The following ERGIC1 variants were observed in gnomAD, a reference collection of about 807,000 sequenced individuals.
ERGIC1 encodes endoplasmic reticulum-Golgi intermediate compartment protein 1.
In ERGIC1, 19 loss-of-function variants were observed where a neutral mutation model predicts 38.3. The ratio of observed to expected loss-of-function variants is 0.50; its 90% CI spans 0.35 to 0.73. ERGIC1 has a LOEUF of 0.73. Among genes scored for constraint, ERGIC1 ranks in the 30% least tolerant of loss-of-function variants. ERGIC1 has a pLI of 0.01. For missense variants in ERGIC1, 294 were observed against 389.2 expected, an observed-to-expected ratio of 0.76 and a Z score of 2.06; for synonymous variants, 124 against 157.6, an observed-to-expected ratio of 0.79 and a Z score of 1.60.
At chr5:172,908,506 A>G (rs1041318650) in intron 3 of ERGIC1, among the ~76,000 whole-genome samples, 2 of 150,970 alleles carry the variant, frequency 1.3e-5, no homozygotes, top group Non-Finnish European at 3.0e-5. Flanking sequence ...GACCTGGGAG[A>G]TGGAGGTTGG....
chr5:172,891,225 C>G (rs1038972650), intron 2 of ERGIC1, among the ~76,000 whole-genome samples: 4 of 152,062 alleles, frequency 2.6e-5, no homozygotes, highest in African/African-American at 9.7e-5. Flanking sequence ...TGCCTTGACT[C>G]CCGAGGAAAG....
intron 1 of ERGIC1, among the ~76,000 whole-genome samples, chr5:172,869,977 T>G (rs1364309967): frequency 6.6e-6 from 1 of 152,228 alleles, no homozygotes; most frequent in Non-Finnish European, 1.5e-5. Flanking sequence ...CCACTAGACT[T>G]GATCCCTGAG....
Position 172,949,986 on chromosome 5 carries a change from T to A in ERGIC1, c.766-723T>A, listed in dbSNP as rs1039217122. ...TACTCGGGAGGCTGAGGCAGGAGAA[T>A]GCCGTGAACCCGGGAGGCGGAGCTT... is the stretch of plus-strand genomic sequence containing the variant. On this transcript the variant is annotated intron_variant, in intron 9 of 9. Coordinates refer to ENST00000393784, the MANE Select transcript of ERGIC1 (RefSeq NM_001031711.3). Among the ~76,000 whole-genome samples the A allele has an allele frequency of 1.4e-3, 211 of 152,122 alleles. 1 individual carries two copies. Among genetic ancestry groups the A allele is most frequent in the African/African-American group, 4.9e-3 (203 of 41,494 alleles).
At chr5:172,880,905 T>A (rs557962089) in intron 1 of ERGIC1, among the ~76,000 whole-genome samples, 44 of 152,334 alleles carry the variant, frequency 2.9e-4, no homozygotes, top group African/African-American at 1.1e-3. Flanking sequence ...TTTTCTTAAG[T>A]CCAGTTGGTT....
intron 1 of ERGIC1, among the ~76,000 whole-genome samples, chr5:172,850,290 G>A (rs1761370502): frequency 1.4e-5 from 2 of 143,542 alleles, no homozygotes; most frequent in South Asian, 2.5e-4. Context: ...TCGCCTACCC[G>A]CCCCCTCCCT....
intron 4 of ERGIC1, among the ~76,000 whole-genome samples, chr5:172,911,521 C>T (rs1404921964): frequency 6.6e-6 from 1 of 152,166 alleles, no homozygotes; most frequent in Non-Finnish European, 1.5e-5. Context: ...ACCCCCTCAC[C>T]CCTGTTAGAG....
At chr5:172,858,495 G>A (rs540964411) in intron 1 of ERGIC1, among the ~76,000 whole-genome samples, 8 of 152,278 alleles carry the variant, frequency 5.3e-5, no homozygotes, top group East Asian at 3.9e-4. Context: ...TCAGTCACAC[G>A]CTAGAGGAAC....
chr5:172,908,318 G>GCGGA (rs1561729632), intron 3 of ERGIC1, among the ~76,000 whole-genome samples: 374 of 7,316 alleles, frequency 0.051, 75 homozygotes, highest in African/African-American at 0.21. Context: ...GGGGGGGGGG[G>GCGGA]AGAGAGGGGA....
chr5:172,915,295 G>A (rs1763332536), intron 5 of ERGIC1: 3 of 546,368 alleles, frequency 5.5e-6, no homozygotes, highest in East Asian at 6.5e-5. Flanking sequence ...TTTTTGAATG[G>A]CACGTTCTGT....
chr5:172,861,189 C>A (rs917918965), intron 1 of ERGIC1, among the ~76,000 whole-genome samples: 1 of 152,196 alleles, frequency 6.6e-6, no homozygotes, highest in African/African-American at 2.4e-5. Context: ...AGCCACACAC[C>A]CACCTCAGAG....
In ERGIC1 at chr5:172,920,230, C is replaced by A. The variant is rs1414937441; in HGVS notation, c.376-3775C>A. On this transcript the variant is annotated intron_variant, in intron 5 of 9. Coordinates refer to ENST00000393784, the MANE Select transcript of ERGIC1 (RefSeq NM_001031711.3). ...GCCCAGCCACTTTCCCTTTGAGGAA[C>A]CGCCCATCAAGAGGTGCTCAAAGAA... is the stretch of plus-strand genomic sequence containing the variant. 5.8e-6 allele frequency: 4 copies of A among 686,556 alleles called. No homozygotes were observed. In the Admixed American group the frequency reaches 8.3e-5, roughly 14 times the overall value. The allele number at this position is 686,556 out of a possible 1,614,324, so 42.5% of individuals were successfully genotyped here.
chr5:172,926,400 A>G lies in ERGIC1; in HGVS notation c.481-109A>G, dbSNP rs911021837. The G allele has an allele frequency of 8.2e-6, 10 of 1,214,184 alleles. No individual in the cohort carries two copies. The highest frequency in any genetic ancestry group is 1.2e-5 in the South Asian group (1 of 81,014). 75.2% of individuals were successfully genotyped at this position (1,214,184 alleles called of 1,614,324 possible). Reference sequence around the variant, plus strand: ...AATCCGCTGGAGCCCCCTTTTACACATTGGTAGGGTTCCTAGACCAGGTGG... The same window carrying G: ...AATCCGCTGGAGCCCCCTTTTACACGTTGGTAGGGTTCCTAGACCAGGTGG... On this transcript the variant is annotated intron_variant, in intron 6 of 9. Transcript: ENST00000393784. The surrounding 1 kb of genome is among the most constrained non-coding windows in gnomAD (Gnocchi z 5.2).
chr5:172,897,956 T>A (rs906230569), intron 3 of ERGIC1: 8 of 413,384 alleles, frequency 1.9e-5, no homozygotes, highest in Non-Finnish European at 3.5e-5. Context: ...CTGGGGTGTG[T>A]GTAACAGAAT....
chr5:172,889,252 T>C (rs1278705244), intron 2 of ERGIC1, among the ~76,000 whole-genome samples: 2 of 151,876 alleles, frequency 1.3e-5, no homozygotes, highest in East Asian at 3.9e-4. Flanking sequence ...CCATTGCACT[T>C]CAGCCTGGGC....
At chr5:172,840,191 A>G (rs1212322627) in intron 1 of ERGIC1, among the ~76,000 whole-genome samples, 1 of 152,072 alleles carries the variant, frequency 6.6e-6, no homozygotes, top group Non-Finnish European at 1.5e-5. Flanking sequence ...TTAGAGCATC[A>G]TGTTTACCTG....
intron 4 of ERGIC1, among the ~76,000 whole-genome samples, chr5:172,914,254 A>AAATAAATAAATAAAT (rs1554112479): frequency 7.6e-6 from 1 of 131,240 alleles, no homozygotes; most frequent in African/African-American, 2.9e-5. Context: ...AAAAAAAAAA[A>AAATAAATAAATAAAT]AAATACAAAG....
rs1761066225 is a variant in ERGIC1 at position 172,837,565 on chromosome 5, T to C, written c.20+3132T>C. Among the ~76,000 whole-genome samples the C allele has an allele frequency of 6.6e-6, 1 of 152,178 alleles. No homozygotes were observed. Among genetic ancestry groups the C allele is most frequent in the Non-Finnish European group, 1.5e-5 (1 of 68,024 alleles). On this transcript the variant is annotated intron_variant, in intron 1 of 9. Transcript: ENST00000393784. This position sits in a 1 kb window ranked among gnomAD's most constrained non-coding sequence, Gnocchi z 4.3. ...GCCAAACTCGATCCTTGGAGATGCCTCTTGAAATCTGTCAAGGAAGCCATA... is the reference window on the plus strand; with the variant it reads ...GCCAAACTCGATCCTTGGAGATGCCCCTTGAAATCTGTCAAGGAAGCCATA...
chr5:172,886,243 G>A (rs1762414665), intron 1 of ERGIC1, among the ~76,000 whole-genome samples: 1 of 152,130 alleles, frequency 6.6e-6, no homozygotes, highest in Non-Finnish European at 1.5e-5. Flanking sequence ...TGTACCCTGT[G>A]CCGGAGAGAG....
chr5:172,938,752 C>CAA (rs941005028), intron 9 of ERGIC1, among the ~76,000 whole-genome samples: 2 of 98,588 alleles, frequency 2.0e-5, no homozygotes, highest in African/African-American at 7.8e-5. Context: ...GACTCTATCT[C>CAA]AAAAAAAAAA....
Sources: gnomAD v4.1 joint callset for allele counts (sites outside exome capture counted in the v4.1 genomes callset) on GRCh38, gnomAD v4.1.1 for gene constraint, Gnocchi (gnomAD v3.1) non-coding constraint, MANE v1.5 for transcripts, NCBI Gene and HGNC (gene_info 2026-07-23, HGNC 2026-07-21) for gene names.